The following C19orf44 variants were observed in gnomAD, a reference collection of about 807,000 sequenced individuals.
C19orf44 encodes the protein chromosome 19 open reading frame 44.
C19orf44 carries 43 observed loss-of-function variants against 50.7 expected under a neutral mutation model. The observed-to-expected ratio is 0.85, with a 90% CI of 0.66 to 1.09. The LOEUF is 1.09. Among genes scored for constraint, C19orf44 ranks in the 50% least tolerant of loss-of-function variants. C19orf44 has a pLI of 0.00. For missense variants in C19orf44, 722 were observed against 836.2 expected (o/e 0.86, Z 1.68); for synonymous variants, 298 against 334.7 (o/e 0.89, Z 1.20).
chr19:16,501,817 C>T (rs2093426325), intron 2 of C19orf44, among the ~76,000 whole-genome samples: 1 of 151,956 alleles, frequency 6.6e-6, no homozygotes, highest in South Asian at 2.1e-4. Flanking sequence ...TGTTGAACTT[C>T]CGATCTCAGG....
chr19:16,500,610 T>C (rs1255125285), intron 1 of C19orf44, among the ~76,000 whole-genome samples, 182 bp from the exon 2 acceptor site: 4 of 152,160 alleles, frequency 2.6e-5, no homozygotes, highest in Non-Finnish European at 5.9e-5. Flanking sequence ...CCCAAAGTGC[T>C]GGGATTACAG....
intron 1 of C19orf44, 23 bp from the exon 2 acceptor site, chr19:16,500,769 A>G (rs958545949): frequency 1.9e-6 from 3 of 1,542,034 alleles, no homozygotes; most frequent in African/African-American, 2.8e-5. Context: ...CTCTTATGCA[A>G]AATTGCTCCT....
intron 8 of C19orf44, chr19:16,518,917 C>G: frequency 9.0e-6 from 5 of 553,552 alleles, no homozygotes; most frequent in Non-Finnish European, 1.6e-5. Flanking sequence ...GGAAAACGAG[C>G]CTGGGGCCCT....
At chr19:16,517,494 G>C (rs2085552404) in intron 8 of C19orf44, among the ~76,000 whole-genome samples, 153 bp downstream of exon 8, 1 of 152,130 alleles carries the variant, frequency 6.6e-6, no homozygotes, top group Non-Finnish European at 1.5e-5. Flanking sequence ...TTCCATGGTG[G>C]GGCAGGTGGT....
chr19:16,515,736 G>A (rs1010326100), intron 7 of C19orf44, among the ~76,000 whole-genome samples: 1 of 151,170 alleles, frequency 6.6e-6, no homozygotes, highest in Non-Finnish European at 1.5e-5. Context: ...GCCTGGCCAC[G>A]TATTTCTTTA....
intron 3 of C19orf44, among the ~76,000 whole-genome samples, chr19:16,505,402 C>T (rs896242745): frequency 2.7e-5 from 4 of 150,882 alleles, no homozygotes; most frequent in African/African-American, 7.3e-5. Context: ...TTAGTAGAGA[C>T]GGGATTTCAA....
chr19:16,496,977 TAA>T (rs2122158893), intron 1 of C19orf44, among the ~76,000 whole-genome samples: 1 of 151,986 alleles, frequency 6.6e-6, no homozygotes, highest in African/African-American at 2.4e-5. Flanking sequence ...AAGATAAAAA[TAA>T]AAAATTAGCC....
chr19:16,504,205 A>T (rs2093433712), intron 3 of C19orf44, among the ~76,000 whole-genome samples: 1 of 151,916 alleles, frequency 6.6e-6, no homozygotes, highest in Non-Finnish European at 1.5e-5. Context: ...CTAAAAAAAA[A>T]TTTTTTTAAA....
intron 8 of C19orf44, chr19:16,518,982 C>T (rs1254306878): frequency 3.1e-6 from 2 of 647,730 alleles, no homozygotes; most frequent in Admixed American, 3.1e-5. Context: ...GCCCTCCACG[C>T]CATGGAGCAC....
chr19:16,520,208 C>T lies in C19orf44; in HGVS notation c.*155C>T. 6.2e-7 allele frequency: 1 copy of T among 1,613,388 alleles called. No individual in the cohort carries two copies. Among genetic ancestry groups the T allele is most frequent in the Non-Finnish European group, 8.5e-7 (1 of 1,180,030 alleles). ...TTCTTCCTGGGGAGTACGACTTGGA[C>T]CGGGACCGCGACTGGGACCGGGAGC... On this transcript the variant is annotated 3_prime_UTR_variant, in exon 9 of 9. Transcript: ENST00000221671. The surrounding 1 kb of genome is among the most constrained non-coding windows in gnomAD (Gnocchi z 4.0).
chr19:16,500,717 G>A, intron 1 of C19orf44, 75 bp from the exon 2 acceptor site: 1 of 1,419,056 alleles, frequency 7.0e-7, no homozygotes, highest in Non-Finnish European at 9.5e-7. Context: ...GTGAGCTTTT[G>A]CCAAGTAGGA....
intron 1 of C19orf44, among the ~76,000 whole-genome samples, chr19:16,497,309 G>A (rs904626231): frequency 2.0e-5 from 3 of 150,926 alleles, no homozygotes; most frequent in Non-Finnish European, 2.9e-5. Flanking sequence ...TGAAATGATA[G>A]GGTGTGTGGA....
At position 16,517,417 on chromosome 19, in the gene C19orf44, C is replaced by T. The variant is rs753303052; in HGVS notation, c.*40+76C>T. The T allele has an allele frequency of 3.5e-5, 37 of 1,055,934 alleles. No individual in the cohort carries two copies. The Middle Eastern group carries it at 8.1e-4, about 23-fold the overall frequency. The allele number at this position is 1,055,934 out of a possible 1,614,324, so 65.4% of individuals were successfully genotyped here. A position where few individuals can be genotyped will look rare whatever the true frequency, so the allele number is the denominator to read the frequency against. ...TCATCAGTGTCCAAGTGTGACGTTC[C>T]GTGGTGGGGGCAGGTGGTACTGGGG... On this transcript the variant is annotated intron_variant, in intron 8 of 8. Coordinates refer to ENST00000221671, the MANE Select transcript of C19orf44 (RefSeq NM_032207.4).
chr19:16,519,987 C>T lies in C19orf44; in HGVS notation c.*41-107C>T, dbSNP rs917039837. 1.3e-5 allele frequency: 10 copies of T among 783,204 alleles called. No individual in the cohort carries two copies. The highest frequency in any genetic ancestry group is 1.7e-5 in the African/African-American group (1 of 57,724). The allele number at this position is 783,204 out of a possible 1,614,324, so 48.5% of individuals were successfully genotyped here. A position where few individuals can be genotyped will look rare whatever the true frequency, so the allele number is the denominator to read the frequency against. On this transcript the variant is annotated intron_variant, in intron 8 of 8. Coordinates refer to ENST00000221671, the MANE Select transcript of C19orf44 (RefSeq NM_032207.4). The surrounding 1 kb of genome is among the most constrained non-coding windows in gnomAD (Gnocchi z 6.0). ...AGACCCCAGTTACTGCCTCAGGCTT[C>T]GCCAAGTGGCTACTGTGGTGAAGGG...
At chr19:16,506,266 C>T (rs1372100752) in intron 3 of C19orf44, among the ~76,000 whole-genome samples, 3 of 152,022 alleles carry the variant, frequency 2.0e-5, no homozygotes, top group Admixed American at 1.3e-4. Context: ...TGAGTCACCG[C>T]GCCTGGCCAT....
At position 16,519,881 on chromosome 19, in the gene C19orf44, AGG is replaced by A. The variant is rs750562129; in HGVS notation, c.*41-209_*41-208del. On this transcript the variant is annotated intron_variant, in intron 8 of 8. Coordinates refer to ENST00000221671, the MANE Select transcript of C19orf44 (RefSeq NM_032207.4). The surrounding 1 kb of genome is among the most constrained non-coding windows in gnomAD (Gnocchi z 6.0). Reference sequence around the variant, plus strand: ...CCGTTTATCCTGTCTCAGCTAGATAAGGGGGCTCCAGACGCTGGCCCCCACCC... The same window carrying A: ...CCGTTTATCCTGTCTCAGCTAGATAAGGGCTCCAGACGCTGGCCCCCACCC... 26 of 694,278 alleles carry A rather than the reference AGG, an allele frequency of 3.7e-5. No individual in the cohort carries two copies. Among genetic ancestry groups the A allele is most frequent in the Non-Finnish European group, 6.3e-5 (25 of 398,038 alleles). The allele number at this position is 694,278 out of a possible 1,614,324, so 43.0% of individuals were successfully genotyped here.
chr19:16,506,792 AT>A lies in C19orf44; in HGVS notation c.1149+23del. ...AACAGGAAGTAAGTACAACAAAGTC[AT>A]TTTTCATGGTCGATTGTTTTTGGCT... On this transcript the variant is annotated intron_variant, in intron 4 of 8. Coordinates refer to ENST00000221671, the MANE Select transcript of C19orf44 (RefSeq NM_032207.4). 1 of 1,551,966 alleles carries A rather than the reference AT, an allele frequency of 6.4e-7. No individual in the cohort carries two copies.
Position 16,509,498 on chromosome 19 carries a change from G to C in C19orf44, c.1150-1G>C. The C allele has an allele frequency of 6.5e-7, 1 of 1,533,470 alleles. No individual in the cohort carries two copies. The highest frequency in any genetic ancestry group is 8.7e-7 in the Non-Finnish European group (1 of 1,143,732). The allele number at this position is 1,533,470 out of a possible 1,614,324, so 95.0% of individuals were successfully genotyped here. On this transcript the variant is annotated splice_acceptor_variant, in intron 4 of 8. Coordinates refer to ENST00000221671, the MANE Select transcript of C19orf44 (RefSeq NM_032207.4). LOFTEE classifies it high-confidence loss of function. ...GCCACCTCTGCCATTCTTCATTTTA[G>C]GAGGAAAGTGCTCAGAGACAAAAAA...
In C19orf44 at chr19:16,513,058, G is replaced by A. The variant is rs765840443; in HGVS notation, c.1684G>A (p.Val562Met). The A allele has an allele frequency of 2.3e-5, 37 of 1,613,666 alleles. No individual in the cohort carries two copies. The highest frequency in any genetic ancestry group is 1.1e-4 in the East Asian group (5 of 44,876). The stretch of plus-strand genomic sequence containing the variant: ...GGGGCCTGCCCTGGGAGGCGCCTAC[G>A]TGGACCCGACACCCATCGCCAATCA... ...AMGPALGGAY[V>M]DPTPIANHVI... The change falls in exon 6 of 9, where the codon GTG becomes ATG. Residue 562 changes from valine to methionine, a missense_variant. Coordinates refer to ENST00000221671, the MANE Select transcript of C19orf44 (RefSeq NM_032207.4).
Sources: gnomAD v4.1 joint callset for allele counts (sites outside exome capture counted in the v4.1 genomes callset) on GRCh38, gnomAD v4.1.1 for gene constraint, Gnocchi (gnomAD v3.1) non-coding constraint, MANE v1.5 for transcripts, NCBI Gene and HGNC (gene_info 2026-07-23, HGNC 2026-07-21) for gene names.